FIGN: variants seen among roughly 807,000 people sequenced by gnomAD.
FIGN encodes fidgetin.
Under a neutral mutation model 51.3 loss-of-function variants are expected in FIGN, and 11 were observed. The ratio of observed to expected loss-of-function variants is 0.21; its 90% CI spans 0.13 to 0.35. The LOEUF is 0.35. FIGN is among the 10% of genes least tolerant of loss of function. The pLI, the probability that FIGN is intolerant of heterozygous loss-of-function variation, is 1.00. For missense variants in FIGN, 857 were observed against 943.6 expected (o/e 0.91, Z 1.20); for synonymous variants, 407 against 363.2 (o/e 1.12, Z -1.37).
intron 2 of FIGN, among the ~76,000 whole-genome samples, chr2:163,724,311 A>T (rs1684805654): frequency 6.6e-6 from 1 of 152,194 alleles, no homozygotes; most frequent in South Asian, 2.1e-4. Context: ...AGCTATCTGT[A>T]CATGTCATTA....
rs71015594 is a variant in FIGN, at chr2:163,620,851, TTG to T, written c.26-9047_26-9046del. Among the ~76,000 whole-genome samples, 527 of 147,590 alleles carry T rather than the reference TTG, an allele frequency of 3.6e-3. 3 individuals are homozygous for T. The highest frequency in any genetic ancestry group is 0.01 in the African/African-American group (411 of 40,276). ...TGCACATATAACTCTGTGTAAATAT[TTG>T]TGTGTGTGTGTGTGTGTGTGTGTGT... On this transcript the variant is annotated intron_variant, in intron 2 of 2. Coordinates refer to ENST00000333129, the MANE Select transcript of FIGN (RefSeq NM_018086.4).
chr2:163,657,411 G>A (rs1340366980), intron 2 of FIGN, among the ~76,000 whole-genome samples: 1 of 151,862 alleles, frequency 6.6e-6, no homozygotes, highest in East Asian at 1.9e-4. Context: ...AAAAAATCTG[G>A]CATACATACC....
At chr2:163,626,983 G>C (rs1293412032) in intron 2 of FIGN, among the ~76,000 whole-genome samples, 1 of 152,108 alleles carries the variant, frequency 6.6e-6, no homozygotes, top group Non-Finnish European at 1.5e-5. Flanking sequence ...AGTCTAAAAA[G>C]GGGAGGAACC....
chr2:163,693,644 C>T (rs1684271476), intron 2 of FIGN, among the ~76,000 whole-genome samples: 1 of 152,100 alleles, frequency 6.6e-6, no homozygotes, highest in Admixed American at 6.5e-5. Context: ...CGCACAAACA[C>T]ACACAATAAT....
intron 2 of FIGN, among the ~76,000 whole-genome samples, chr2:163,708,395 A>T (rs1229932894): frequency 6.6e-6 from 1 of 152,226 alleles, no homozygotes; most frequent in Non-Finnish European, 1.5e-5. Context: ...TAGGCGCAGA[A>T]TATAGCAATT....
intron 2 of FIGN, among the ~76,000 whole-genome samples, chr2:163,625,623 C>T (rs1683043285): frequency 6.6e-6 from 1 of 151,836 alleles, no homozygotes; most frequent in South Asian, 2.1e-4. Flanking sequence ...GATGCATGTG[C>T]TAAAATAAAT....
intron 2 of FIGN, among the ~76,000 whole-genome samples, chr2:163,665,553 C>T (rs1573936719): frequency 6.6e-6 from 1 of 152,280 alleles, no homozygotes; most frequent in East Asian, 1.9e-4. Context: ...ACACAGAAAT[C>T]TTTTATCTAT....
intron 2 of FIGN, among the ~76,000 whole-genome samples, chr2:163,613,721 T>C (rs543858440): frequency 3.2e-4 from 48 of 152,318 alleles, no homozygotes; most frequent in Admixed American, 2.9e-3. Flanking sequence ...TAAGAAATAC[T>C]GAAAACAAGG....
In FIGN at chr2:163,630,349, T is replaced by A. The variant is rs528947236; in HGVS notation, c.26-18543A>T. ...CATTTGTTTTCTGGATCTCCTTTCA[T>A]TTTTCTGAAGACATGTTTAGGAGTC... On this transcript the variant is annotated intron_variant, in intron 2 of 2. Transcript: ENST00000333129. Among the ~76,000 whole-genome samples, 19 of 152,204 alleles carry A rather than the reference T, an allele frequency of 1.2e-4. No homozygotes were observed. In the South Asian group the frequency reaches 3.9e-3, roughly 32 times the overall value.
At chr2:163,716,573 T>G (rs1434667932) in intron 2 of FIGN, among the ~76,000 whole-genome samples, 1 of 152,194 alleles carries the variant, frequency 6.6e-6, no homozygotes, top group Admixed American at 6.5e-5. Context: ...GCATCTGGGT[T>G]GAAGGGTGAG....
chr2:163,617,098 G>A, intron 2 of FIGN: 4 of 984,992 alleles, frequency 4.1e-6, no homozygotes, highest in Non-Finnish European at 4.8e-6. Context: ...GCATTATCTA[G>A]TATTACTAGT....
chr2:163,714,360 T>C (rs1245305326), intron 2 of FIGN, among the ~76,000 whole-genome samples: 1 of 152,134 alleles, frequency 6.6e-6, no homozygotes, highest in East Asian at 1.9e-4. Flanking sequence ...GTTTCTGTCC[T>C]TACAGATGTT....
At position 163,668,017 on chromosome 2, in the gene FIGN, C is replaced by T. The variant is rs529237222; in HGVS notation, c.26-56211G>A. Among the ~76,000 whole-genome samples, 3 of 147,534 alleles carry T rather than the reference C, an allele frequency of 2.0e-5. 1 individual carries two copies. Among genetic ancestry groups the T allele is most frequent in the African/African-American group, 7.7e-5 (3 of 39,026 alleles). ...AAAGAGAACACCCCTACCTCCAACC[C>T]CCCCCCCCAAAAAACCCTCCACAAG... On this transcript the variant is annotated intron_variant, in intron 2 of 2. Transcript: ENST00000333129.
rs549045001 is a variant in FIGN at position 163,646,122 on chromosome 2, C to T, written c.26-34316G>A. 4.6e-5 allele frequency among the ~76,000 whole-genome samples: 7 copies of T among 152,184 alleles called. 1 individual carries two copies. The South Asian group carries it at 1.5e-3, about 32-fold the overall frequency. Reference sequence around the variant, plus strand: ...AAAGTTTTCTGGTTATTTAAATTTACTGTACTGTCAAATCAAGAGCAATTT... The same window carrying T: ...AAAGTTTTCTGGTTATTTAAATTTATTGTACTGTCAAATCAAGAGCAATTT... On this transcript the variant is annotated intron_variant, in intron 2 of 2. Coordinates refer to ENST00000333129, the MANE Select transcript of FIGN (RefSeq NM_018086.4).
intron 2 of FIGN, among the ~76,000 whole-genome samples, chr2:163,616,700 A>C (rs1254717493): frequency 2.0e-5 from 3 of 152,132 alleles, no homozygotes; most frequent in Non-Finnish European, 4.4e-5. Context: ...TTATTTTTTA[A>C]CATTAAAAAA....
At chr2:163,633,931 A>G (rs964045828) in intron 2 of FIGN, among the ~76,000 whole-genome samples, 1 of 152,174 alleles carries the variant, frequency 6.6e-6, no homozygotes, top group Non-Finnish European at 1.5e-5. Flanking sequence ...CCTACATTCA[A>G]TCAATGAGAA....
chr2:163,673,898 C>T (rs1347332344), intron 2 of FIGN, among the ~76,000 whole-genome samples: 1 of 151,996 alleles, frequency 6.6e-6, no homozygotes, highest in Non-Finnish European at 1.5e-5. Context: ...AGTTTCCTCA[C>T]CTCTTAAAAT....
At chr2:163,643,790 G>A (rs1683340381) in intron 2 of FIGN, among the ~76,000 whole-genome samples, 1 of 151,658 alleles carries the variant, frequency 6.6e-6, no homozygotes, top group Non-Finnish European at 1.5e-5. Flanking sequence ...TCAGAAGCTG[G>A]GTGTGGTGGC....
At chr2:163,680,805 A>G (rs1421164683) in intron 2 of FIGN, among the ~76,000 whole-genome samples, 2 of 151,900 alleles carry the variant, frequency 1.3e-5, no homozygotes, top group Admixed American at 6.6e-5. Flanking sequence ...TAGTAAAATT[A>G]TACCTACATA....
Sources: gnomAD v4.1 joint callset for allele counts (sites outside exome capture counted in the v4.1 genomes callset) on GRCh38, gnomAD v4.1.1 for gene constraint, MANE v1.5 for transcripts, NCBI Gene and HGNC (gene_info 2026-07-23, HGNC 2026-07-21) for gene names.